The following PHF20 variants were observed in gnomAD, a reference collection of about 807,000 sequenced individuals.
PHF20 encodes PHD finger protein 20, also known as glioma-expressed antigen 2.
A neutral mutation model predicts 113.5 loss-of-function variants in PHF20; 23 were observed. The ratio of observed to expected loss-of-function variants is 0.20; its 90% CI spans 0.15 to 0.29. The LOEUF (loss-of-function observed/expected upper bound fraction) is 0.29. Among genes scored for constraint, PHF20 ranks in the 10% least tolerant of loss-of-function variants. The pLI, the probability that PHF20 is intolerant of heterozygous loss-of-function variation, is 1.00. For missense variants in PHF20, 943 were observed against 1,219.6 expected (o/e 0.77, Z 3.38); for synonymous variants, 434 against 457.3 (o/e 0.95, Z 0.65).
chr20:35,861,410 A>G (rs1442339512), intron 5 of PHF20, among the ~76,000 whole-genome samples: 1 of 152,010 alleles, frequency 6.6e-6, no homozygotes, highest in Non-Finnish European at 1.5e-5. Flanking sequence ...GTATTTATTT[A>G]TTTTCAAAAT....
At chr20:35,857,529 T>C (rs2042853883) in intron 4 of PHF20, among the ~76,000 whole-genome samples, 1 of 151,038 alleles carries the variant, frequency 6.6e-6, no homozygotes. Flanking sequence ...AACACATCTC[T>C]TGAAACACAA....
chr20:35,882,918 CT>C, intron 9 of PHF20, among the ~76,000 whole-genome samples: 1 of 151,672 alleles, frequency 6.6e-6, no homozygotes, highest in East Asian at 1.9e-4. Context: ...GTCCCAGCTA[CT>C]CAGGAGGCTG....
rs1362373736 is a variant in PHF20 at position 35,938,980 on chromosome 20, T to A, written c.2584T>A (p.Ser862Thr). 82 of 1,613,938 alleles carry A rather than the reference T, an allele frequency of 5.1e-5. No homozygotes were observed. Among genetic ancestry groups the A allele is most frequent in the Non-Finnish European group, 6.9e-5 (82 of 1,180,006 alleles). ...EQKLVVETRG[S>T]ALDDAVNPLH... ...GAAGCTGGTGGTGGAGACGAGGGGC[T>A]CTGCCCTCGACGATGCGGTCAACCC... is the stretch of plus-strand genomic sequence containing the variant. The change falls in exon 16 of 18, where the codon TCT (serine) becomes ACT (threonine). Residue 862 changes from serine (S) to threonine (T), a missense_variant. Ser to Thr is a moderately conservative substitution (Grantham distance 58). This residue lies in a region of PHF20 where 349 missense variants were observed against 412.3 expected (regional missense o/e 0.85). Coordinates refer to ENST00000374012, the MANE Select transcript of PHF20 (RefSeq NM_016436.5).
chr20:35,880,231 C>T (rs1045305659), intron 9 of PHF20, among the ~76,000 whole-genome samples: 3 of 152,080 alleles, frequency 2.0e-5, no homozygotes, highest in South Asian at 2.1e-4. Context: ...GGTACTTGCA[C>T]GGGAACCTGA....
intron 9 of PHF20, among the ~76,000 whole-genome samples, chr20:35,875,867 G>A (rs1298281986): frequency 6.6e-6 from 1 of 152,176 alleles, no homozygotes; most frequent in Non-Finnish European, 1.5e-5. Flanking sequence ...AGTGCCTTTT[G>A]TAAAGTTTAC....
At chr20:35,807,419 T>G (rs1268822053) in intron 2 of PHF20, among the ~76,000 whole-genome samples, 1 of 150,782 alleles carries the variant, frequency 6.6e-6, no homozygotes, top group East Asian at 2.0e-4. Flanking sequence ...GTAGAGCGAT[T>G]TGGGCTCACT....
intron 4 of PHF20, among the ~76,000 whole-genome samples, chr20:35,857,544 TTTAGCTGAATGA>T: frequency 1.4e-5 from 2 of 148,072 alleles, no homozygotes; most frequent in South Asian, 4.3e-4. Context: ...ACACAATACC[TTTAGCTGAATGA>T]TGTTCCTTTT....
intron 1 of PHF20, among the ~76,000 whole-genome samples, chr20:35,779,017 T>C (rs554311192): frequency 6.8e-6 from 1 of 147,068 alleles, no homozygotes; most frequent in South Asian, 2.1e-4. Flanking sequence ...AAACAAAGGG[T>C]TTTTTTTTGT....
At chr20:35,864,004 G>T (rs1364860837) in intron 6 of PHF20, among the ~76,000 whole-genome samples, 1 of 152,104 alleles carries the variant, frequency 6.6e-6, no homozygotes, top group Non-Finnish European at 1.5e-5. Context: ...TTAAAATTTG[G>T]AATTCTTCTA....
chr20:35,910,828 C>T (rs1473576799), intron 10 of PHF20, among the ~76,000 whole-genome samples: 8 of 151,916 alleles, frequency 5.3e-5, no homozygotes, highest in Non-Finnish European at 8.8e-5. Flanking sequence ...GGGGTTTTAT[C>T]GTATTGGTCA....
intron 2 of PHF20, chr20:35,802,040 C>T (rs997313572): frequency 6.4e-6 from 1 of 156,658 alleles, no homozygotes; most frequent in African/African-American, 2.4e-5. Flanking sequence ...GAAATACAGT[C>T]ATCATGTAAG....
At chr20:35,847,857 T>C (rs1379010700) in intron 4 of PHF20, among the ~76,000 whole-genome samples, 2 of 152,080 alleles carry the variant, frequency 1.3e-5, no homozygotes, top group Non-Finnish European at 2.9e-5. Context: ...AACATTGGAG[T>C]TGCTAGTGGA....
intron 3 of PHF20, among the ~76,000 whole-genome samples, chr20:35,844,430 T>TGATAA (rs2042585927): frequency 6.7e-6 from 1 of 149,778 alleles, no homozygotes; most frequent in Non-Finnish European, 1.5e-5. Context: ...TTTTTTTTTT[T>TGATAA]TGATAATGTT....
rs377203030 is a variant in PHF20 at position 35,850,966 on chromosome 20, G to T, written c.340+3532G>T. Reference sequence around the variant, plus strand: ...CAATGAAGCTGCTGCTTTAATTTTTGCATTTGTAGGAGAGACAGAGTTTCA... The same window carrying T: ...CAATGAAGCTGCTGCTTTAATTTTTTCATTTGTAGGAGAGACAGAGTTTCA... On this transcript the variant is annotated intron_variant, in intron 4 of 17. Transcript: ENST00000374012. 1.3e-4 allele frequency: 56 copies of T among 444,378 alleles called. No individual in the cohort carries two copies. In the East Asian group the frequency reaches 1.6e-3, roughly 13 times the overall value. The allele number at this position is 444,378 out of a possible 1,614,324, so 27.5% of individuals were successfully genotyped here. A position where few individuals can be genotyped will look rare whatever the true frequency, so the allele number is the denominator to read the frequency against.
At chr20:35,913,155 C>T in intron 10 of PHF20, 94 bp from the exon 11 acceptor site, 1 of 816,970 alleles carries the variant, frequency 1.2e-6, no homozygotes, top group East Asian at 2.9e-5. Flanking sequence ...CCAGGCAGAG[C>T]CAGACCCATC....
intron 1 of PHF20, among the ~76,000 whole-genome samples, chr20:35,793,003 T>C (rs17093093): frequency 0.17 from 25,692 of 152,032 alleles, 2,260 homozygotes; most frequent in African/African-American, 0.23. Flanking sequence ...TCCCTAGGCA[T>C]TCCCTGGCCT....
intron 4 of PHF20, chr20:35,855,309 A>G (rs771265374): frequency 8.1e-7 from 1 of 1,241,706 alleles, no homozygotes; most frequent in Middle Eastern, 2.2e-4. Context: ...CTCATAAGTC[A>G]TTGCTGAGCT....
chr20:35,790,208 C>CTT (rs72117236), intron 1 of PHF20, among the ~76,000 whole-genome samples: 1 of 145,972 alleles, frequency 6.9e-6, no homozygotes, highest in South Asian at 2.2e-4. Context: ...TGCTAAATAA[C>CTT]TTTTTTTTTT....
rs1173595802 is a variant in PHF20 at position 35,863,055 on chromosome 20, A to G, written c.463A>G (p.Ser155Gly). 6 of 1,599,718 alleles carry G rather than the reference A, an allele frequency of 3.8e-6. No individual in the cohort carries two copies. Among genetic ancestry groups the G allele is most frequent in the Admixed American group, 1.8e-5 (1 of 54,986 alleles). ...TAGGCCTAAAGAAACAGATCACAAA[A>G]GTCTTTCATCATCTCCTGATAAACG... ...NARPKETDHK[S>G]LSSSPDKREK... Residue 155 changes from serine to glycine, a missense_variant, in exon 6 of 18, where the codon AGT becomes GGT. Physicochemically the swap from Ser to Gly is moderately conservative, Grantham distance 56. Coordinates refer to ENST00000374012, the MANE Select transcript of PHF20 (RefSeq NM_016436.5).
Sources: gnomAD v4.1 joint callset for allele counts (sites outside exome capture counted in the v4.1 genomes callset) on GRCh38, gnomAD v4.1.1 for gene constraint, gnomAD v4.1.1 regional missense constraint, MANE v1.5 for transcripts, NCBI Gene and HGNC (gene_info 2026-07-23, HGNC 2026-07-21) for gene names.